Variants in ELOVL4 observed in about 807,000 individuals in gnomAD.
ELOVL4 encodes ELOVL fatty acid elongase 4.
ELOVL4 carries 18 observed loss-of-function variants against 42.1 expected under a neutral mutation model. That is an observed-to-expected ratio of 0.43 (90% confidence interval 0.30 to 0.63). The LOEUF is 0.63. Ranked by LOEUF, ELOVL4 falls within the 30% of genes least tolerant of loss-of-function variation. The probability of loss-of-function intolerance (pLI) is 0.15; values close to 1 mark genes in which losing one functional copy is unlikely to be tolerated. For missense variants in ELOVL4, 299 were observed against 376.2 expected (o/e 0.79, Z 1.70); for synonymous variants, 117 against 127.0 (o/e 0.92, Z 0.53).
chr6:79,918,347 G>A (rs1667537189), intron 5 of ELOVL4, among the ~76,000 whole-genome samples: 1 of 152,168 alleles, frequency 6.6e-6, no homozygotes, highest in African/African-American at 2.4e-5. Context: ...CATCACTCAA[G>A]GAGAGCCAGG....
chr6:79,943,647 T>C (rs1202671868), intron 1 of ELOVL4, among the ~76,000 whole-genome samples: 1 of 152,122 alleles, frequency 6.6e-6, no homozygotes, highest in East Asian at 1.9e-4. Context: ...GAAAGGGGAA[T>C]GACAGTGACC....
chr6:79,921,268 T>C (rs1774248243), intron 4 of ELOVL4, among the ~76,000 whole-genome samples: 1 of 151,934 alleles, frequency 6.6e-6, no homozygotes, highest in African/African-American at 2.4e-5. Flanking sequence ...GAGACCATCC[T>C]GGCCAACATG....
At chr6:79,932,842 TG>T (rs34648908) in intron 1 of ELOVL4, among the ~76,000 whole-genome samples, 10,927 of 152,096 alleles carry the variant, frequency 0.072, 1,253 homozygotes, top group African/African-American at 0.25. Flanking sequence ...TTATGAACAG[TG>T]GTAGGACAGA....
chr6:79,916,243 G>A lies in ELOVL4; in HGVS notation c.*365C>T. 4.7e-6 allele frequency: 1 copy of A among 213,816 alleles called. No homozygotes were observed. Among genetic ancestry groups the A allele is most frequent in the South Asian group, 8.3e-5 (1 of 12,062 alleles). The allele number at this position is 213,816 out of a possible 1,614,324, so 13.2% of individuals were successfully genotyped here. On this transcript the variant is annotated 3_prime_UTR_variant, in exon 6 of 6. Transcript: ENST00000369816. The stretch of plus-strand genomic sequence containing the variant: ...GTAATTTATCAAAATAATTCATAAA[G>A]ACCGTTTCTGTGATCGTCTAAAATT...
chr6:79,945,577 C>T (rs1211009493), intron 1 of ELOVL4, among the ~76,000 whole-genome samples: 3 of 152,066 alleles, frequency 2.0e-5, no homozygotes, highest in African/African-American at 7.2e-5. Flanking sequence ...GTGGCTCTGG[C>T]TATATGGAGA....
chr6:79,918,319 G>A (rs1024033108), intron 5 of ELOVL4, among the ~76,000 whole-genome samples: 1 of 152,158 alleles, frequency 6.6e-6, no homozygotes, highest in Non-Finnish European at 1.5e-5. Context: ...GTGTGTATAA[G>A]GGTGTGATTG....
intron 5 of ELOVL4, among the ~76,000 whole-genome samples, chr6:79,918,852 T>C (rs1774202448): frequency 6.6e-6 from 1 of 152,194 alleles, no homozygotes; most frequent in Non-Finnish European, 1.5e-5. Context: ...AAAATATCTG[T>C]CTCTGCTCTC....
chr6:79,940,430 T>C (rs1774627449), intron 1 of ELOVL4, among the ~76,000 whole-genome samples: 1 of 152,172 alleles, frequency 6.6e-6, no homozygotes, highest in Non-Finnish European at 1.5e-5. Flanking sequence ...GTTTCTTTTG[T>C]TTTCTCTTCT....
chr6:79,928,934 T>A (rs751993526), intron 1 of ELOVL4, among the ~76,000 whole-genome samples: 35 of 152,000 alleles, frequency 2.3e-4, no homozygotes, highest in Non-Finnish European at 4.1e-4. Flanking sequence ...TGTGGTGCAC[T>A]GTTGTTCTCT....
At chr6:79,925,332 T>C (rs976282648) in intron 2 of ELOVL4, among the ~76,000 whole-genome samples, 4 of 152,190 alleles carry the variant, frequency 2.6e-5, no homozygotes, top group Non-Finnish European at 5.9e-5. Flanking sequence ...GATTTCAAAG[T>C]TGTCCTACCT....
chr6:79,942,085 G>GAA (rs1166653218), intron 1 of ELOVL4, among the ~76,000 whole-genome samples: 1 of 152,154 alleles, frequency 6.6e-6, no homozygotes, highest in East Asian at 1.9e-4. Context: ...GGTAAACAGG[G>GAA]AAAAGGTGGG....
chr6:79,946,036 G>A (rs1467782771), intron 1 of ELOVL4, among the ~76,000 whole-genome samples: 1 of 152,144 alleles, frequency 6.6e-6, no homozygotes, highest in Admixed American at 6.5e-5. Flanking sequence ...CTACATTCAT[G>A]CTGTAACCAC....
intron 1 of ELOVL4, among the ~76,000 whole-genome samples, chr6:79,926,609 G>A (rs1774347057): frequency 6.6e-6 from 1 of 152,156 alleles, no homozygotes; most frequent in African/African-American, 2.4e-5. Context: ...CACACATTAT[G>A]TTTTACAGAG....
chr6:79,932,439 G>A (rs762539353), intron 1 of ELOVL4, among the ~76,000 whole-genome samples: 21 of 152,088 alleles, frequency 1.4e-4, no homozygotes, highest in Non-Finnish European at 2.4e-4. Context: ...CAGCTACTCG[G>A]GAGGCTGAGG....
chr6:79,921,376 G>T (rs1410020192), intron 4 of ELOVL4, among the ~76,000 whole-genome samples: 3 of 143,932 alleles, frequency 2.1e-5, no homozygotes, highest in African/African-American at 7.7e-5. Flanking sequence ...CAGGAGAATC[G>T]CTGGAACCCG....
chr6:79,933,860 C>T (rs931868795), intron 1 of ELOVL4, among the ~76,000 whole-genome samples: 5 of 152,216 alleles, frequency 3.3e-5, no homozygotes, highest in South Asian at 2.1e-4. Context: ...TAGGTAGATA[C>T]GAAGGTTTCG....
chr6:79,939,042 T>C lies in ELOVL4; in HGVS notation c.100+8138A>G, dbSNP rs141010655. On this transcript the variant is annotated intron_variant, in intron 1 of 5. Coordinates refer to ENST00000369816, the MANE Select transcript of ELOVL4 (RefSeq NM_022726.4). ...CTTCAAGGCCTATCTCCCAGAGTTA[T>C]TGTGAAGTTGTTTGTAAAACCATAA... Among the ~76,000 whole-genome samples the C allele has an allele frequency of 9.5e-3, 1,449 of 152,386 alleles. 14 individuals are homozygous for C. The highest frequency in any genetic ancestry group is 0.017 in the Middle Eastern group (5 of 294).
At chr6:79,940,969 C>G (rs938498563) in intron 1 of ELOVL4, among the ~76,000 whole-genome samples, 2 of 152,020 alleles carry the variant, frequency 1.3e-5, no homozygotes, top group Non-Finnish European at 2.9e-5. Context: ...CTCTATTCCT[C>G]TACCTATTTC....
At chr6:79,935,530 C>T (rs1774527874) in intron 1 of ELOVL4, among the ~76,000 whole-genome samples, 1 of 152,102 alleles carries the variant, frequency 6.6e-6, no homozygotes. Context: ...AATTAAAAAC[C>T]TAAATTCTAG....
Sources: gnomAD v4.1 joint callset for allele counts (sites outside exome capture counted in the v4.1 genomes callset) on GRCh38, gnomAD v4.1.1 for gene constraint, MANE v1.5 for transcripts, NCBI Gene and HGNC (gene_info 2026-07-23, HGNC 2026-07-21) for gene names.